The following PTPRJ variants were observed in gnomAD, a reference collection of about 807,000 sequenced individuals.
The protein encoded by PTPRJ is receptor-type tyrosine-protein phosphatase eta.
In PTPRJ, 129 loss-of-function variants were observed where a neutral mutation model predicts 141.3. The observed-to-expected ratio is 0.91, with a 90% confidence interval of 0.79 to 1.06. The LOEUF (loss-of-function observed/expected upper bound fraction) is 1.06. Among genes scored for constraint, PTPRJ ranks in the 50% least tolerant of loss-of-function variants. PTPRJ has a pLI of 0.00. For missense variants in PTPRJ, 1,601 were observed against 1,679.7 expected (o/e 0.95, Z 0.82); for synonymous variants, 610 against 640.5 (o/e 0.95, Z 0.72).
chr11:48,106,011 C>G (rs774451562), intron 1 of PTPRJ, among the ~76,000 whole-genome samples: 8 of 152,218 alleles, frequency 5.3e-5, no homozygotes, highest in Non-Finnish European at 1.2e-4. Flanking sequence ...TTAAAACTCT[C>G]CTCACTCACC....
At chr11:47,996,251 C>T (rs1342271725) in intron 1 of PTPRJ, among the ~76,000 whole-genome samples, 4 of 147,764 alleles carry the variant, frequency 2.7e-5, no homozygotes, top group Admixed American at 6.9e-5. Flanking sequence ...AGGAGAATGG[C>T]GTGAACCCGG....
intron 1 of PTPRJ, among the ~76,000 whole-genome samples, chr11:48,097,829 C>T (rs1270555106): frequency 1.3e-5 from 2 of 152,144 alleles, no homozygotes; most frequent in Non-Finnish European, 2.9e-5. Flanking sequence ...TGAGCCACCG[C>T]ACCCGGCCTG....
chr11:48,033,009 G>A (rs1015699400), intron 1 of PTPRJ, among the ~76,000 whole-genome samples: 10 of 151,466 alleles, frequency 6.6e-5, no homozygotes, highest in African/African-American at 2.4e-4. Context: ...CTTGAGCCCA[G>A]AAGTTCAAGA....
At chr11:48,050,165 C>T (rs76088737) in intron 1 of PTPRJ, among the ~76,000 whole-genome samples, 8,229 of 152,258 alleles carry the variant, frequency 0.054, 207 homozygotes, top group Middle Eastern at 0.068. Flanking sequence ...GGTGTATGCA[C>T]ACAGACTGTA....
At chr11:48,094,679 C>T (rs950430908) in intron 1 of PTPRJ, among the ~76,000 whole-genome samples, 1 of 152,092 alleles carries the variant, frequency 6.6e-6, no homozygotes, top group Non-Finnish European at 1.5e-5. Flanking sequence ...GGCTTTTCTG[C>T]TGTGTTTACT....
Position 48,123,645 on chromosome 11 carries a change from C to T in PTPRJ, c.649C>T (p.Leu217Phe), listed in dbSNP as rs750749818. 6 of 1,614,068 alleles carry T rather than the reference C, an allele frequency of 3.7e-6. No individual in the cohort carries two copies. The highest frequency in any genetic ancestry group is 1.1e-5 in the South Asian group (1 of 91,072). The change falls in exon 5 of 25, where the codon CTC becomes TTC. Residue 217 changes from leucine to phenylalanine, a missense_variant. Transcript: ENST00000418331. ...CCCAGTTTCTGATCTCCGTGTTGCC[C>T]TCACGGGTGTGAGGAAGGCTGCTCT... ...PIPVSDLRVALTGVRKAALSW... is the reference protein window; with the variant it reads ...PIPVSDLRVAFTGVRKAALSW...
At chr11:48,149,939 T>C (rs1857439782) in intron 16 of PTPRJ, 51 bp from the exon 17 acceptor site, 1 of 1,354,342 alleles carries the variant, frequency 7.4e-7, no homozygotes, top group Non-Finnish European at 1.0e-6. Flanking sequence ...TTCTAGAGTA[T>C]GAATGAGTCT....
chr11:48,103,285 C>T (rs1452761997), intron 1 of PTPRJ, among the ~76,000 whole-genome samples: 1 of 151,876 alleles, frequency 6.6e-6, no homozygotes, highest in African/African-American at 2.4e-5. Context: ...ATAGGGAGAC[C>T]CCATTTCTAC....
chr11:48,140,028 C>A (rs1467266172), intron 11 of PTPRJ, among the ~76,000 whole-genome samples: 3 of 151,954 alleles, frequency 2.0e-5, no homozygotes, highest in Non-Finnish European at 4.4e-5. Flanking sequence ...TGCCTCATTG[C>A]CATGTTTTCT....
At chr11:48,057,767 A>C (rs1211826961) in intron 1 of PTPRJ, among the ~76,000 whole-genome samples, 1 of 152,150 alleles carries the variant, frequency 6.6e-6, no homozygotes, top group Non-Finnish European at 1.5e-5. Flanking sequence ...ATGACTATTA[A>C]AGAAAGCTCC....
At chr11:48,087,157 A>G (rs1449750564) in intron 1 of PTPRJ, among the ~76,000 whole-genome samples, 1 of 152,202 alleles carries the variant, frequency 6.6e-6, no homozygotes, top group Admixed American at 6.5e-5. Context: ...AGTAAACTTT[A>G]TGTCCTAAGA....
chr11:48,090,246 C>T (rs1855832338), intron 1 of PTPRJ, among the ~76,000 whole-genome samples: 1 of 152,148 alleles, frequency 6.6e-6, no homozygotes, highest in Admixed American at 6.5e-5. Flanking sequence ...GCTCACAGCC[C>T]CAGGCGCCCT....
intron 1 of PTPRJ, among the ~76,000 whole-genome samples, chr11:48,072,748 T>C (rs1855294679): frequency 1.3e-5 from 2 of 152,210 alleles, no homozygotes; most frequent in South Asian, 4.1e-4. Context: ...AATGTGTTGA[T>C]ATACTGCGCT....
intron 1 of PTPRJ, among the ~76,000 whole-genome samples, chr11:48,018,124 CCTT>C (rs539843103): frequency 8.4e-4 from 127 of 151,138 alleles, no homozygotes; most frequent in African/African-American, 3.1e-3. Context: ...CATCCATAAT[CCTT>C]CTAAGTAGCT....
chr11:48,119,299 T>C (rs769846338), intron 3 of PTPRJ, among the ~76,000 whole-genome samples: 11 of 152,226 alleles, frequency 7.2e-5, no homozygotes, highest in Non-Finnish European at 1.3e-4. Context: ...AAATTCAAGC[T>C]TGGAGGGGCC....
intron 11 of PTPRJ, among the ~76,000 whole-genome samples, chr11:48,142,025 G>T (rs1857242606): frequency 8.3e-6 from 1 of 119,882 alleles, no homozygotes; most frequent in East Asian, 2.5e-4. Context: ...TTATTTTTGT[G>T]TCTGGTGTAA....
intron 2 of PTPRJ, among the ~76,000 whole-genome samples, chr11:48,110,765 A>C (rs1046979761): frequency 6.6e-6 from 1 of 152,184 alleles, no homozygotes; most frequent in Admixed American, 6.5e-5. Context: ...AGATCGTCAT[A>C]ACCTTTGGAA....
Position 48,123,861 on chromosome 11 carries a change from G to A in PTPRJ, c.865G>A (p.Gly289Ser). 1.2e-6 allele frequency: 2 copies of A among 1,613,604 alleles called. No individual in the cohort carries two copies. Among genetic ancestry groups the A allele is most frequent in the Non-Finnish European group, 1.7e-6 (2 of 1,179,674 alleles). Residue 289 changes from glycine to serine, a missense_variant, in exon 5 of 25, where the codon GGT becomes AGT. Transcript: ENST00000418331. ...KTKGDPLGTE[G>S]GLDASNTERS... ...AAAGGGAGACCCCTTGGGCACAGAAGGTGGCTTGGGTGAGTTACAAAGGGT... is the reference window on the plus strand; with the variant it reads ...AAAGGGAGACCCCTTGGGCACAGAAAGTGGCTTGGGTGAGTTACAAAGGGT...
At chr11:48,017,444 A>G (rs566585857) in intron 1 of PTPRJ, among the ~76,000 whole-genome samples, 1 of 152,324 alleles carries the variant, frequency 6.6e-6, no homozygotes, top group South Asian at 2.1e-4. Context: ...TAAAGAAAAT[A>G]AGAGATGCCT....
Sources: allele counts gnomAD v4.1 joint callset (sites outside exome capture counted in the v4.1 genomes callset), GRCh38; gene constraint gnomAD v4.1.1; transcripts MANE v1.5; gene names NCBI Gene and HGNC (gene_info 2026-07-23, HGNC 2026-07-21).